DPP6: variants seen among roughly 807,000 people sequenced by gnomAD.
DPP6 encodes dipeptidyl peptidase like 6, also known as A-type potassium channel modulatory protein DPP6.
In DPP6, 69 loss-of-function variants were observed where a neutral mutation model predicts 122.6. The observed-to-expected ratio is 0.56, with a 90% confidence interval of 0.46 to 0.69. The LOEUF (loss-of-function observed/expected upper bound fraction) is 0.69. Among genes scored for constraint, DPP6 ranks in the 30% least tolerant of loss-of-function variants. DPP6 has a pLI of 0.00. For missense variants in DPP6, 928 were observed against 1,116.9 expected (o/e 0.83, Z 2.41); for synonymous variants, 418 against 433.1 (o/e 0.97, Z 0.43).
At chr7:154,859,587 A>T (rs1803163345) in intron 17 of DPP6, among the ~76,000 whole-genome samples, 1 of 152,148 alleles carries the variant, frequency 6.6e-6, no homozygotes, top group Non-Finnish European at 1.5e-5. Flanking sequence ...GGAATATTTG[A>T]CTTTTTTCCT....
At chr7:153,754,835 A>C in the DPP6 span, among the ~76,000 whole-genome samples, 13 of 149,282 alleles carry the variant, frequency 8.7e-5, no homozygotes, top group African/African-American at 2.5e-4. Context: ...CGGATATTGC[A>C]TTTTCAAATT....
rs1224705613 is a variant in DPP6, at chr7:153,990,617, C to G, written c.51+102883C>G. Among the ~76,000 whole-genome samples, 3 of 151,986 alleles carry G rather than the reference C, an allele frequency of 2.0e-5. No individual in the cohort carries two copies. In the East Asian group the frequency reaches 5.9e-4, roughly 30 times the overall value. The stretch of plus-strand genomic sequence containing the variant: ...CTTGGCCCTCGCCTGCCCTGGAGCC[C>G]CCTGTCCAAGGGCCGCCGTGCCTCA... On this transcript the variant is annotated intron_variant, in intron 1 of 25. Coordinates refer to the DPP6 transcript ENST00000404039.
intron 1 of DPP6, among the ~76,000 whole-genome samples, chr7:154,237,049 GTCCAAAC>G (rs1801263608): frequency 6.6e-6 from 1 of 152,078 alleles, no homozygotes; most frequent in Non-Finnish European, 1.5e-5. Flanking sequence ...TCCCATTGAG[GTCCAAAC>G]AACTAGTGAT....
At chr7:154,555,368 A>G (rs1349460061) in intron 4 of DPP6, among the ~76,000 whole-genome samples, 1 of 152,060 alleles carries the variant, frequency 6.6e-6, no homozygotes, top group Non-Finnish European at 1.5e-5. Flanking sequence ...TTGCAAGGAC[A>G]AAAAACCAAA....
At chr7:154,536,028 C>T (rs537609636) in intron 3 of DPP6, among the ~76,000 whole-genome samples, 2 of 152,256 alleles carry the variant, frequency 1.3e-5, no homozygotes, top group African/African-American at 4.8e-5. Context: ...TACAACCTGG[C>T]AGCAATCTAA....
At chr7:154,468,247 G>A (rs1050397969) in intron 2 of DPP6, among the ~76,000 whole-genome samples, 4 of 152,212 alleles carry the variant, frequency 2.6e-5, no homozygotes, top group Non-Finnish European at 5.9e-5. Flanking sequence ...TACATTAAAT[G>A]TCCAGAATAG....
intron 1 of DPP6, chr7:154,092,929 T>G (rs868492730): frequency 6.6e-6 from 1 of 152,112 alleles, no homozygotes; most frequent in African/African-American, 2.4e-5. Context: ...TACAAAAATA[T>G]GGAGCCGTCG....
chr7:153,800,319 G>C, the DPP6 span, among the ~76,000 whole-genome samples: 1 of 152,044 alleles, frequency 6.6e-6, no homozygotes, highest in African/African-American at 2.4e-5. Context: ...AATAAACCGG[G>C]CACAAAAAGA....
At chr7:154,103,102 T>C (rs1171833604) in intron 1 of DPP6, among the ~76,000 whole-genome samples, 4 of 152,100 alleles carry the variant, frequency 2.6e-5, no homozygotes, top group Non-Finnish European at 4.4e-5. Flanking sequence ...ATCACAATAC[T>C]TATTGCTCCA....
intron 1 of DPP6, among the ~76,000 whole-genome samples, chr7:154,385,714 G>T (rs939678071): frequency 1.3e-5 from 2 of 152,178 alleles, no homozygotes; most frequent in Admixed American, 1.3e-4. Context: ...TGGCACCTGT[G>T]TACGGATGAA....
At chr7:153,796,531 T>G in the DPP6 span, among the ~76,000 whole-genome samples, 1 of 151,910 alleles carries the variant, frequency 6.6e-6, no homozygotes, top group Non-Finnish European at 1.5e-5. Context: ...TTTAAACCCT[T>G]GAAATGTCTT....
intron 7 of DPP6, among the ~76,000 whole-genome samples, chr7:154,695,389 G>A (rs922503446): frequency 1.3e-5 from 2 of 152,260 alleles, no homozygotes; most frequent in South Asian, 2.1e-4. Flanking sequence ...AAGGGAAAAC[G>A]TTACTGTTGC....
At chr7:153,993,662 T>A (rs532191942) in intron 1 of DPP6, among the ~76,000 whole-genome samples, 34 of 152,204 alleles carry the variant, frequency 2.2e-4, no homozygotes, top group South Asian at 1.7e-3. Flanking sequence ...CTAGAAATCA[T>A]AATGGGTGTG....
chr7:154,485,906 T>A (rs985155507), intron 3 of DPP6, among the ~76,000 whole-genome samples: 2 of 152,000 alleles, frequency 1.3e-5, no homozygotes, highest in Non-Finnish European at 2.9e-5. Context: ...ACTCTTCATT[T>A]AACATTAGGT....
intron 1 of DPP6, chr7:154,095,908 C>T (rs1375641014): frequency 7.2e-6 from 1 of 139,218 alleles, no homozygotes; most frequent in Non-Finnish European, 1.6e-5. Context: ...ACTCACAGTT[C>T]ACGCTACAGG....
chr7:154,075,110 C>CAAATGG (rs1803464574), intron 1 of DPP6, among the ~76,000 whole-genome samples: 1 of 152,134 alleles, frequency 6.6e-6, no homozygotes, highest in African/African-American at 2.4e-5. Flanking sequence ...TGCAATACCA[C>CAAATGG]CTTCCTCCTG....
chr7:153,805,830 C>T, the DPP6 span, among the ~76,000 whole-genome samples: 2 of 151,766 alleles, frequency 1.3e-5, no homozygotes, highest in Non-Finnish European at 2.9e-5. Flanking sequence ...GGAAGGGGAA[C>T]ATCACACACT....
chr7:154,108,347 T>C (rs1320354557), intron 1 of DPP6, among the ~76,000 whole-genome samples: 1 of 152,158 alleles, frequency 6.6e-6, no homozygotes, highest in East Asian at 1.9e-4. Context: ...AGTAAACCAA[T>C]TGATGTAGGC....
intron 1 of DPP6, chr7:154,058,078 GGT>G (rs1563142155): frequency 1.0e-5 from 1 of 96,642 alleles, no homozygotes; most frequent in Non-Finnish European, 2.3e-5. Context: ...TCCCATTGCG[GGT>G]GGAGGGAGGC....
Sources: gnomAD v4.1 joint callset for allele counts (sites outside exome capture counted in the v4.1 genomes callset) on GRCh38, gnomAD v4.1.1 for gene constraint, MANE v1.5 for transcripts, NCBI Gene and HGNC (gene_info 2026-07-23, HGNC 2026-07-21) for gene names.